The following SNTB1 variants were observed in gnomAD, a reference collection of about 807,000 sequenced individuals.
The protein encoded by SNTB1 is syntrophin beta 1.
In SNTB1, 36 loss-of-function variants were observed where a neutral mutation model predicts 48.9. The ratio of observed to expected loss-of-function variants is 0.74; its 90% CI spans 0.56 to 0.97. The LOEUF is 0.97. Among genes scored for constraint, SNTB1 ranks in the 50% least tolerant of loss-of-function variants. SNTB1 has a pLI of 0.00. For missense variants in SNTB1, 786 were observed against 703.4 expected, an observed-to-expected ratio of 1.12 and a Z score of -1.33; for synonymous variants, 299 against 294.6, an observed-to-expected ratio of 1.01 and a Z score of -0.15.
At chr8:120,606,540 G>A (rs1320397597) in intron 3 of SNTB1, among the ~76,000 whole-genome samples, 5 of 151,950 alleles carry the variant, frequency 3.3e-5, no homozygotes, top group African/African-American at 1.2e-4. Context: ...ACAATAGGAA[G>A]TTTGTGAATA....
At chr8:120,553,921 C>T (rs1815523364) in intron 4 of SNTB1, among the ~76,000 whole-genome samples, 1 of 152,128 alleles carries the variant, frequency 6.6e-6, no homozygotes, top group Admixed American at 6.6e-5. Context: ...TCGCTTGAAC[C>T]CAGGAGGCAG....
At chr8:120,722,868 G>A (rs1818688848) in intron 1 of SNTB1, among the ~76,000 whole-genome samples, 5 of 152,032 alleles carry the variant, frequency 3.3e-5, no homozygotes, top group Admixed American at 3.3e-4. Flanking sequence ...GAGTTTTTAT[G>A]GTTTTAGGTC....
chr8:120,612,254 A>G (rs1428385429), intron 3 of SNTB1, among the ~76,000 whole-genome samples: 2 of 152,350 alleles, frequency 1.3e-5, no homozygotes, highest in East Asian at 3.9e-4. Context: ...TGCATGTATT[A>G]TATCATTTAA....
chr8:120,548,144 A>G (rs532007791), intron 5 of SNTB1, among the ~76,000 whole-genome samples: 1 of 150,766 alleles, frequency 6.6e-6, no homozygotes, highest in Middle Eastern at 3.4e-3. Context: ...TCTCCTCTCT[A>G]TCTCTCTCCC....
At chr8:120,594,366 T>G (rs1416534350) in intron 3 of SNTB1, among the ~76,000 whole-genome samples, 2 of 152,180 alleles carry the variant, frequency 1.3e-5, no homozygotes, top group Non-Finnish European at 2.9e-5. Flanking sequence ...GCCTCCCAAG[T>G]AGCTGGGATT....
chr8:120,557,120 G>A (rs1320456065), intron 4 of SNTB1, among the ~76,000 whole-genome samples: 1 of 152,166 alleles, frequency 6.6e-6, no homozygotes, highest in South Asian at 2.1e-4. Flanking sequence ...ATACGGAAAG[G>A]TTTCCTAACA....
intron 2 of SNTB1, among the ~76,000 whole-genome samples, chr8:120,692,472 C>A (rs1226279942): frequency 6.6e-6 from 1 of 152,156 alleles, no homozygotes; most frequent in Middle Eastern, 3.2e-3. Context: ...CCCTCGCTTT[C>A]TTTATTTCTC....
intron 4 of SNTB1, among the ~76,000 whole-genome samples, chr8:120,559,470 G>T (rs1313142205): frequency 6.6e-6 from 1 of 152,162 alleles, no homozygotes; most frequent in Admixed American, 6.5e-5. Context: ...TGCCCAATGT[G>T]ATGAATTCCA....
intron 2 of SNTB1, among the ~76,000 whole-genome samples, chr8:120,650,280 A>T (rs1159167133): frequency 6.6e-6 from 1 of 152,228 alleles, no homozygotes; most frequent in Non-Finnish European, 1.5e-5. Flanking sequence ...CAATGACAAT[A>T]GGAGAGTTGA....
At chr8:120,683,982 C>T (rs1817983590) in intron 2 of SNTB1, among the ~76,000 whole-genome samples, 1 of 152,168 alleles carries the variant, frequency 6.6e-6, no homozygotes, top group Admixed American at 6.5e-5. Context: ...ATGTCTTAGT[C>T]TGCTATAACA....
intron 2 of SNTB1, among the ~76,000 whole-genome samples, chr8:120,681,363 G>A (rs1817927593): frequency 1.3e-5 from 2 of 152,140 alleles, no homozygotes; most frequent in African/African-American, 4.8e-5. Context: ...GACAGACAGC[G>A]ATGGAGCTGG....
intron 3 of SNTB1, among the ~76,000 whole-genome samples, chr8:120,597,793 C>T (rs1351127489): frequency 1.3e-5 from 2 of 152,204 alleles, no homozygotes; most frequent in Non-Finnish European, 2.9e-5. Flanking sequence ...GACACAGGCC[C>T]CGGCCAGGGA....
intron 1 of SNTB1, among the ~76,000 whole-genome samples, chr8:120,736,119 C>T (rs370069799): frequency 3.9e-5 from 6 of 152,092 alleles, no homozygotes; most frequent in South Asian, 4.2e-4. Flanking sequence ...GGAGAAGTGC[C>T]GAGTGACAGT....
chr8:120,736,027 G>A (rs1818936883), intron 1 of SNTB1, among the ~76,000 whole-genome samples: 1 of 152,148 alleles, frequency 6.6e-6, no homozygotes, highest in Admixed American at 6.5e-5. Context: ...AGTTCAGCAT[G>A]GCTGGAGAGG....
intron 1 of SNTB1, among the ~76,000 whole-genome samples, chr8:120,796,056 G>C (rs1337449739): frequency 6.6e-6 from 1 of 151,948 alleles, no homozygotes; most frequent in Non-Finnish European, 1.5e-5. Context: ...GGTGGGAAGT[G>C]ACTGGATAAT....
chr8:120,552,667 G>A (rs1352523251), intron 4 of SNTB1, among the ~76,000 whole-genome samples: 2 of 152,144 alleles, frequency 1.3e-5, no homozygotes. Flanking sequence ...GAGCAGCAGT[G>A]CCAATCTTTT....
intron 2 of SNTB1, among the ~76,000 whole-genome samples, chr8:120,650,041 G>A (rs998487419): frequency 2.6e-5 from 4 of 151,794 alleles, no homozygotes; most frequent in Admixed American, 6.6e-5. Context: ...CACGGTGCAC[G>A]CACCCACTGA....
At chr8:120,633,693 CAGAG>C (rs982418111) in intron 2 of SNTB1, among the ~76,000 whole-genome samples, 5 of 151,810 alleles carry the variant, frequency 3.3e-5, no homozygotes, top group African/African-American at 7.3e-5. Context: ...ACTGGAGAAA[CAGAG>C]AGAGAGAGAT....
chr8:120,563,217 C>T (rs1274102135), intron 4 of SNTB1, among the ~76,000 whole-genome samples: 4 of 152,004 alleles, frequency 2.6e-5, no homozygotes, highest in Non-Finnish European at 4.4e-5. Context: ...TCTCTGTAGA[C>T]CCATCTCATT....
Sources: allele counts gnomAD v4.1 joint callset (sites outside exome capture counted in the v4.1 genomes callset), GRCh38; gene constraint gnomAD v4.1.1; transcripts MANE v1.5; gene names NCBI Gene and HGNC (gene_info 2026-07-23, HGNC 2026-07-21).